The following NR2C2 variants were observed in gnomAD, a reference collection of about 807,000 sequenced individuals.
NR2C2 encodes Nuclear hormone receptor TR4.
NR2C2 carries 6 observed loss-of-function variants against 62.9 expected under a neutral mutation model. The observed-to-expected ratio is 0.10, with a 90% CI of 0.05 to 0.19. The LOEUF (loss-of-function observed/expected upper bound fraction) is 0.19. NR2C2 is among the 10% of genes least tolerant of loss of function. NR2C2 has a pLI of 1.00. For synonymous variants in NR2C2, 272 were observed against 273.8 expected, an observed-to-expected ratio of 0.99 and a Z score of 0.07; for missense variants, 479 against 762.7, an observed-to-expected ratio of 0.63 and a Z score of 4.38.
chr3:14,984,139 C>T (rs1458374591), intron 1 of NR2C2, among the ~76,000 whole-genome samples: 1 of 152,194 alleles, frequency 6.6e-6, no homozygotes, highest in Non-Finnish European at 1.5e-5. Context: ...CCACCTGCCT[C>T]AGCCTCCCAA....
chr3:14,969,650 C>T (rs1364844262), intron 1 of NR2C2, among the ~76,000 whole-genome samples: 1 of 152,174 alleles, frequency 6.6e-6, no homozygotes, highest in African/African-American at 2.4e-5. Flanking sequence ...CACTCATACA[C>T]CTAAACTATA....
chr3:14,976,536 A>G (rs1017081231), intron 1 of NR2C2, among the ~76,000 whole-genome samples: 5 of 149,788 alleles, frequency 3.3e-5, no homozygotes, highest in Non-Finnish European at 7.4e-5. Flanking sequence ...TACTGTGCAC[A>G]GCTGTCATCC....
intron 2 of NR2C2, among the ~76,000 whole-genome samples, chr3:15,008,127 A>G (rs970671105): frequency 6.6e-5 from 10 of 152,102 alleles, no homozygotes; most frequent in African/African-American, 2.2e-4. Flanking sequence ...GGATGACCTG[A>G]GCTTCCAGTT....
At chr3:15,008,654 A>C (rs1415691274) in intron 2 of NR2C2, among the ~76,000 whole-genome samples, 3 of 152,226 alleles carry the variant, frequency 2.0e-5, no homozygotes, top group African/African-American at 7.2e-5. Flanking sequence ...CAGAGTGGGT[A>C]ACATGGGGGA....
intron 1 of NR2C2, among the ~76,000 whole-genome samples, chr3:14,961,301 T>C (rs938161496): frequency 4.6e-5 from 7 of 152,194 alleles, no homozygotes; most frequent in Non-Finnish European, 8.8e-5. Context: ...AAAAGCTTCA[T>C]AGAGATCAGT....
intron 1 of NR2C2, among the ~76,000 whole-genome samples, chr3:14,995,055 A>G (rs2040790305): frequency 7.4e-6 from 1 of 135,482 alleles, no homozygotes; most frequent in Non-Finnish European, 1.5e-5. Flanking sequence ...ATCATAGCTC[A>G]CTGCAGCCTT....
chr3:15,011,921 C>T (rs1166558440), intron 2 of NR2C2, among the ~76,000 whole-genome samples: 2 of 152,172 alleles, frequency 1.3e-5, no homozygotes, highest in African/African-American at 4.8e-5. Context: ...GTTTATTCTG[C>T]TTTTTGTTTT....
At chr3:15,035,181 TACTC>T (rs1289250178) in intron 11 of NR2C2, among the ~76,000 whole-genome samples, 1 of 152,174 alleles carries the variant, frequency 6.6e-6, no homozygotes, top group African/African-American at 2.4e-5. Context: ...TAGTCCCAGA[TACTC>T]AGGAGGCTGA....
chr3:15,018,306 T>G (rs1326356278), intron 4 of NR2C2, among the ~76,000 whole-genome samples: 2 of 152,118 alleles, frequency 1.3e-5, no homozygotes, highest in Non-Finnish European at 2.9e-5. Context: ...CAGGGGCACT[T>G]TTTAATGTCA....
At chr3:14,990,298 G>A (rs1276641987) in intron 1 of NR2C2, among the ~76,000 whole-genome samples, 1 of 152,178 alleles carries the variant, frequency 6.6e-6, no homozygotes, top group Non-Finnish European at 1.5e-5. Context: ...AAGGGGAAAG[G>A]GGTGGAGGGA....
At chr3:14,948,024 G>A (rs1281857981) in intron 1 of NR2C2, 118 bp downstream of exon 1, 1 of 152,084 alleles carries the variant, frequency 6.6e-6, no homozygotes, top group African/African-American at 2.4e-5. Flanking sequence ...TTTGCCACGG[G>A]GTGGCGGCGG....
intron 5 of NR2C2, among the ~76,000 whole-genome samples, chr3:15,021,766 A>G (rs540127221): frequency 2.0e-5 from 3 of 152,372 alleles, no homozygotes; most frequent in East Asian, 1.9e-4. Flanking sequence ...CATCTTTTGC[A>G]TAGTTTTCTA....
In NR2C2 at chr3:14,995,282, C is replaced by G. The variant is rs143962723; in HGVS notation, c.-39-8594C>G. ...TATATTTACAATATTGTGCAGCCAT[C>G]GCTAATACCTAATTTCAGAACATTT... On this transcript the variant is annotated intron_variant, in intron 1 of 13. Transcript: ENST00000425241. Among the ~76,000 whole-genome samples the G allele has an allele frequency of 2.3e-3, 343 of 148,208 alleles. 2 individuals are homozygous for G. Among genetic ancestry groups the G allele is most frequent in the African/African-American group, 7.9e-3 (318 of 40,196 alleles).
chr3:15,018,912 G>A (rs1221402984), intron 4 of NR2C2, among the ~76,000 whole-genome samples: 1 of 151,044 alleles, frequency 6.6e-6, no homozygotes, highest in South Asian at 2.1e-4. Flanking sequence ...CTACTTGGGA[G>A]GCTCAGGCAG....
Position 15,023,235 on chromosome 3 carries a change from CG to C in NR2C2, c.595del (p.Glu199ArgfsTer19). ...QSERKPFDVQ[R>X]EKPSNCAAST... The stretch of plus-strand genomic sequence containing the variant: ...TGAACGGAAGCCCTTCGATGTGCAA[CG>C]GGAGAAACCAAGCAATTGTGCTGCT... On this transcript the variant is annotated frameshift_variant, in exon 6 of 14. Coordinates refer to ENST00000425241, the MANE Select transcript of NR2C2 (RefSeq NM_001291694.2). LOFTEE classifies it high-confidence loss of function. The C allele has an allele frequency of 6.2e-7, 1 of 1,614,188 alleles. No individual in the cohort carries two copies. The highest frequency in any genetic ancestry group is 8.5e-7 in the Non-Finnish European group (1 of 1,180,010).
chr3:14,953,484 A>G (rs919942119), intron 1 of NR2C2, among the ~76,000 whole-genome samples: 1 of 152,198 alleles, frequency 6.6e-6, no homozygotes, highest in African/African-American at 2.4e-5. Context: ...TCAAGCCTGA[A>G]GGCTTCCTGG....
chr3:15,010,393 T>A (rs1469524786), intron 2 of NR2C2, among the ~76,000 whole-genome samples: 1 of 152,028 alleles, frequency 6.6e-6, no homozygotes, highest in Non-Finnish European at 1.5e-5. Context: ...TTCATTGAAT[T>A]TTTATAAGCG....
At chr3:14,969,175 T>C (rs2039959966) in intron 1 of NR2C2, among the ~76,000 whole-genome samples, 1 of 151,102 alleles carries the variant, frequency 6.6e-6, no homozygotes. Context: ...TTTCCCTCTA[T>C]AACTGGAAAT....
At chr3:14,996,884 G>A (rs7611975) in intron 1 of NR2C2, among the ~76,000 whole-genome samples, 9,438 of 152,228 alleles carry the variant, frequency 0.062, 1,011 homozygotes, top group African/African-American at 0.21. Flanking sequence ...ACTTGTTTAA[G>A]GTGACAGTAC....
Sources: allele counts gnomAD v4.1 joint callset (sites outside exome capture counted in the v4.1 genomes callset), GRCh38; gene constraint gnomAD v4.1.1; transcripts MANE v1.5; gene names NCBI Gene and HGNC (gene_info 2026-07-23, HGNC 2026-07-21).